Variants in LHFPL3 observed in about 807,000 individuals in gnomAD.
LHFPL3 encodes LHFPL tetraspan subfamily member 3, also known as LHFPL tetraspan subfamily member 3 protein.
LHFPL3 carries 5 observed loss-of-function variants against 19.3 expected under a neutral mutation model. That is an observed-to-expected ratio of 0.26 (90% CI 0.14 to 0.54). LHFPL3 has a LOEUF of 0.54. Among genes scored for constraint, LHFPL3 ranks in the 20% least tolerant of loss-of-function variants. LHFPL3 has a pLI of 0.94. For missense variants in LHFPL3, 249 were observed against 307.4 expected (o/e 0.81, Z 1.42); for synonymous variants, 133 against 126.2 (o/e 1.05, Z -0.36).
At chr7:104,782,314 C>T (rs919450528) in intron 2 of LHFPL3, among the ~76,000 whole-genome samples, 8 of 152,212 alleles carry the variant, frequency 5.3e-5, no homozygotes, top group African/African-American at 1.7e-4. Context: ...GGAAAAGAAG[C>T]TAGCAGTCTC....
intron 2 of LHFPL3, among the ~76,000 whole-genome samples, chr7:104,902,422 A>AAGG (rs1437172754): frequency 2.0e-5 from 3 of 150,006 alleles, no homozygotes. Flanking sequence ...GGGAGAGGAG[A>AAGG]AGGAGGAGGA....
intron 2 of LHFPL3, among the ~76,000 whole-genome samples, chr7:104,844,331 T>C (rs1421457375): frequency 6.6e-6 from 1 of 152,260 alleles, no homozygotes; most frequent in Non-Finnish European, 1.5e-5. Flanking sequence ...TACCTGAGGA[T>C]GTGTACATAG....
At chr7:104,505,897 C>T (rs757807340) in intron 1 of LHFPL3, among the ~76,000 whole-genome samples, 3 of 152,130 alleles carry the variant, frequency 2.0e-5, no homozygotes, top group African/African-American at 4.8e-5. Context: ...ATAGAAAGGA[C>T]GTCTTGTATA....
chr7:104,459,355 A>G (rs1401833859), intron 1 of LHFPL3, among the ~76,000 whole-genome samples: 1 of 152,198 alleles, frequency 6.6e-6, no homozygotes, highest in African/African-American at 2.4e-5. Flanking sequence ...GCCTGAAGTA[A>G]CACATTTCCA....
At chr7:104,503,262 G>A (rs889596575) in intron 1 of LHFPL3, among the ~76,000 whole-genome samples, 6 of 152,066 alleles carry the variant, frequency 3.9e-5, no homozygotes, top group African/African-American at 1.4e-4. Flanking sequence ...AATGAACAAT[G>A]CTATCCCATT....
Position 104,830,977 on chromosome 7 carries a change from C to A in LHFPL3, c.683-75210C>A, listed in dbSNP as rs573971477. On this transcript the variant is annotated intron_variant, in intron 2 of 2. Coordinates refer to ENST00000424859, the MANE Select transcript of LHFPL3 (RefSeq NM_199000.3). ...GGCTTGACATAATTGTTAATAACAC[C>A]CCCTTTCACTCGCAAAAGGTACCTG... 2.6e-5 allele frequency among the ~76,000 whole-genome samples: 4 copies of A among 151,824 alleles called. No individual in the cohort carries two copies. The East Asian group carries it at 7.7e-4, about 29-fold the overall frequency.
In LHFPL3 at chr7:104,582,236, TAA is replaced by T. The variant is rs200548089; in HGVS notation, c.446-154436_446-154435del. Reference sequence around the variant, plus strand: ...GTTTGTTTTTTGACACTATTATTAATAAAATTGTTGTTTAATTTTATTTTCCA... The same window carrying T: ...GTTTGTTTTTTGACACTATTATTAATAATTGTTGTTTAATTTTATTTTCCA... On this transcript the variant is annotated intron_variant, in intron 1 of 2. Coordinates refer to ENST00000424859, the MANE Select transcript of LHFPL3 (RefSeq NM_199000.3). 6.1e-4 allele frequency among the ~76,000 whole-genome samples: 93 copies of T among 152,126 alleles called. 2 individuals carry two copies. The East Asian group carries it at 0.016, about 26-fold the overall frequency.
chr7:104,857,580 C>T (rs1033673542), intron 2 of LHFPL3, among the ~76,000 whole-genome samples: 3 of 152,208 alleles, frequency 2.0e-5, no homozygotes, highest in African/African-American at 7.2e-5. Context: ...TTCTAAAATG[C>T]TCCCAGGAAA....
rs568725054 is a variant in LHFPL3 at position 104,899,088 on chromosome 7, G to C, written c.683-7099G>C. On this transcript the variant is annotated intron_variant, in intron 2 of 2. Transcript: ENST00000424859. ...ACTGCATTCCAGCCTTGGTGACCGAGTGAGACCCCATCTCTAATATATATA... is the reference window on the plus strand; with the variant it reads ...ACTGCATTCCAGCCTTGGTGACCGACTGAGACCCCATCTCTAATATATATA... 1.1e-4 allele frequency among the ~76,000 whole-genome samples: 16 copies of C among 149,508 alleles called. 1 individual carries two copies. The South Asian group carries it at 3.3e-3, about 31-fold the overall frequency.
At chr7:104,566,834 C>T (rs1223313760) in intron 1 of LHFPL3, among the ~76,000 whole-genome samples, 3 of 152,220 alleles carry the variant, frequency 2.0e-5, no homozygotes, top group African/African-American at 7.2e-5. Context: ...AACATTATTT[C>T]TCAAATGTAA....
rs530591359 is a variant in LHFPL3, at chr7:104,409,167, C to T, written c.445+79943C>T. Among the ~76,000 whole-genome samples the T allele has an allele frequency of 4.5e-4, 69 of 151,990 alleles. No individual in the cohort carries two copies. In the South Asian group the frequency reaches 5.0e-3, roughly 11 times the overall value. On this transcript the variant is annotated intron_variant, in intron 1 of 2. Coordinates refer to ENST00000424859, the MANE Select transcript of LHFPL3 (RefSeq NM_199000.3). ...CTGGGATTAGAGGCGTGAGCCACGG[C>T]GCCCGGCCTAGTGTTGTAATTTTCT... is the stretch of plus-strand genomic sequence containing the variant.
At chr7:104,540,573 A>G (rs1272348691) in intron 1 of LHFPL3, among the ~76,000 whole-genome samples, 2 of 152,232 alleles carry the variant, frequency 1.3e-5, no homozygotes, top group Admixed American at 6.5e-5. Context: ...GGGAACTGCT[A>G]TGCTTTCTGG....
At chr7:104,463,924 C>T (rs1051572557) in intron 1 of LHFPL3, among the ~76,000 whole-genome samples, 2 of 152,174 alleles carry the variant, frequency 1.3e-5, no homozygotes, top group Non-Finnish European at 2.9e-5. Flanking sequence ...CCAACAGTCC[C>T]CTAAAGTCTT....
At chr7:104,524,493 G>C (rs1794144844) in intron 1 of LHFPL3, among the ~76,000 whole-genome samples, 1 of 152,124 alleles carries the variant, frequency 6.6e-6, no homozygotes, top group Admixed American at 6.6e-5. Flanking sequence ...ATACTTTCCA[G>C]TCAGCTTGGA....
chr7:104,491,029 T>G (rs939014457), intron 1 of LHFPL3, among the ~76,000 whole-genome samples: 7 of 152,144 alleles, frequency 4.6e-5, no homozygotes, highest in Admixed American at 6.5e-5. Flanking sequence ...AATCTAGATC[T>G]CAAGGGTGCA....
At chr7:104,737,296 T>C (rs538396772) in intron 2 of LHFPL3, among the ~76,000 whole-genome samples, 1 of 152,284 alleles carries the variant, frequency 6.6e-6, no homozygotes, top group East Asian at 1.9e-4. Context: ...ATGTTTCAGG[T>C]TGAAATAAAT....
intron 2 of LHFPL3, among the ~76,000 whole-genome samples, chr7:104,806,062 A>C (rs1348971986): frequency 6.6e-6 from 1 of 152,218 alleles, no homozygotes; most frequent in African/African-American, 2.4e-5. Context: ...AGTGCGTACG[A>C]CTGACAATGC....
chr7:104,399,014 G>C lies in LHFPL3; in HGVS notation c.445+69790G>C, dbSNP rs543748111. Reference sequence around the variant, plus strand: ...GATATCCCTAGTGCTATGCTTAACAGTTGTCAGTTCCCTTTCTAAGGACAG... The same window carrying C: ...GATATCCCTAGTGCTATGCTTAACACTTGTCAGTTCCCTTTCTAAGGACAG... On this transcript the variant is annotated intron_variant, in intron 1 of 2. Coordinates refer to ENST00000424859, the MANE Select transcript of LHFPL3 (RefSeq NM_199000.3). This position sits in a 1 kb window ranked among gnomAD's most constrained non-coding sequence, Gnocchi z 4.4. 1.3e-5 allele frequency among the ~76,000 whole-genome samples: 2 copies of C among 152,314 alleles called. No individual in the cohort carries two copies. The highest frequency in any genetic ancestry group is 3.9e-4 in the East Asian group (2 of 5,192).
intron 1 of LHFPL3, among the ~76,000 whole-genome samples, chr7:104,449,943 G>A (rs1584327488): frequency 6.6e-6 from 1 of 152,136 alleles, no homozygotes; most frequent in Admixed American, 6.5e-5. Flanking sequence ...GAGGTCAGTT[G>A]TTTCACACTT....
Sources: allele counts gnomAD v4.1 joint callset (sites outside exome capture counted in the v4.1 genomes callset), GRCh38; gene constraint gnomAD v4.1.1; non-coding constraint Gnocchi (gnomAD v3.1); transcripts MANE v1.5; gene names NCBI Gene and HGNC (gene_info 2026-07-23, HGNC 2026-07-21).